Variants in ATP2C1 observed in about 807,000 individuals in gnomAD.
The protein encoded by ATP2C1 is ATPase secretory pathway Ca2+ transporting 1.
Under a neutral mutation model 120.5 loss-of-function variants are expected in ATP2C1, and 31 were observed. That is an observed-to-expected ratio of 0.26 (90% CI 0.19 to 0.35). The LOEUF is 0.35. ATP2C1 is among the 10% of genes least tolerant of loss of function. The probability of loss-of-function intolerance (pLI) is 1.00; values close to 1 mark genes in which losing one functional copy is unlikely to be tolerated. For missense variants in ATP2C1, 731 were observed against 1,107.5 expected (o/e 0.66, Z 4.83); for synonymous variants, 351 against 358.7 (o/e 0.98, Z 0.24).
intron 26 of ATP2C1, among the ~76,000 whole-genome samples, chr3:131,009,859 G>A (rs775478285): frequency 4.6e-5 from 7 of 152,102 alleles, no homozygotes; most frequent in African/African-American, 1.4e-4. Flanking sequence ...AAGACATTAC[G>A]AGATAAACAC....
At chr3:130,995,600 C>T (rs1043034311) in intron 22 of ATP2C1, among the ~76,000 whole-genome samples, 1 of 152,050 alleles carries the variant, frequency 6.6e-6, no homozygotes, top group Admixed American at 6.6e-5. Flanking sequence ...ATAAATGTTT[C>T]CATATTGATA....
In ATP2C1 at chr3:130,999,511, C is replaced by T. The variant is rs1176064574; in HGVS notation, c.2488-7C>T. On this transcript the variant is annotated splice_polypyrimidine_tract_variant and splice_region_variant and intron_variant, in intron 26 of 27. Coordinates refer to ENST00000510168, the MANE Select transcript of ATP2C1 (RefSeq NM_001378687.1). ...AGTAATAAATGAACTCTCTGCTCTGCCAACAGACCAAGTCTGTGTTTGAGA... is the reference window on the plus strand; with the variant it reads ...AGTAATAAATGAACTCTCTGCTCTGTCAACAGACCAAGTCTGTGTTTGAGA... 12 of 1,613,160 alleles carry T rather than the reference C, an allele frequency of 7.4e-6. No individual in the cohort carries two copies. The Admixed American group carries it at 8.3e-5, about 11-fold the overall frequency.
At chr3:130,853,444 C>T (rs568447850) in intron 1 of ATP2C1, among the ~76,000 whole-genome samples, 9 of 152,290 alleles carry the variant, frequency 5.9e-5, no homozygotes, top group East Asian at 5.8e-4. Flanking sequence ...CCTCACTTAG[C>T]GCTGCTAAGT....
intron 17 of ATP2C1, among the ~76,000 whole-genome samples, chr3:130,974,406 T>A (rs977082855): frequency 2.0e-5 from 3 of 152,156 alleles, no homozygotes; most frequent in African/African-American, 7.2e-5. Flanking sequence ...GGTAGAAGAA[T>A]AGGAAATTGT....
chr3:131,006,551 T>C (rs972100713), downstream of ATP2C1, among the ~76,000 whole-genome samples: 2 of 152,170 alleles, frequency 1.3e-5, no homozygotes, highest in Non-Finnish European at 2.9e-5. Context: ...TCTGTCCCAA[T>C]GTTGAGAATC....
intron 14 of ATP2C1, 29 bp downstream of exon 14, chr3:130,965,074 A>G (rs2060992203): frequency 6.7e-7 from 1 of 1,495,478 alleles, no homozygotes; most frequent in Admixed American, 1.7e-5. Flanking sequence ...AAAACAAACA[A>G]AAACAGTATC....
intron 17 of ATP2C1, among the ~76,000 whole-genome samples, chr3:130,972,510 A>C (rs1276723066): frequency 7.3e-5 from 11 of 149,716 alleles, no homozygotes; most frequent in Non-Finnish European, 1.3e-4. Flanking sequence ...TTTAGGGTAC[A>C]TGTGCACAAT....
exon 27 of ATP2C1, chr3:131,016,582 T>A: frequency 1.9e-6 from 1 of 526,754 alleles, no homozygotes; most frequent in Non-Finnish European, 3.4e-6. Flanking sequence ...TGAAATAAGA[T>A]CTTTTCCACT....
intron 26 of ATP2C1, among the ~76,000 whole-genome samples, chr3:131,013,361 T>C (rs1027096767): frequency 5.3e-5 from 8 of 152,324 alleles, no homozygotes; most frequent in Admixed American, 1.3e-4. Context: ...TTAAATACTT[T>C]CACATCTCAT....
chr3:130,929,216 G>C (rs1004231535), intron 2 of ATP2C1, among the ~76,000 whole-genome samples: 3 of 152,148 alleles, frequency 2.0e-5, no homozygotes, highest in Admixed American at 6.5e-5. Context: ...TTGTTTTAAA[G>C]TATTTAAACG....
downstream of ATP2C1, among the ~76,000 whole-genome samples, chr3:131,006,744 C>G (rs1454560334): frequency 6.6e-6 from 1 of 150,688 alleles, no homozygotes; most frequent in African/African-American, 2.5e-5. Flanking sequence ...CTCACTGCAG[C>G]CTGGACATCC....
At chr3:130,966,266 G>C (rs905087002) in intron 14 of ATP2C1, among the ~76,000 whole-genome samples, 1 of 152,068 alleles carries the variant, frequency 6.6e-6, no homozygotes, top group African/African-American at 2.4e-5. Context: ...TGCCCTTTCT[G>C]GATGATTCAG....
intron 8 of ATP2C1, among the ~76,000 whole-genome samples, chr3:130,953,158 T>G (rs2060439928): frequency 6.7e-6 from 1 of 149,100 alleles, no homozygotes; most frequent in Non-Finnish European, 1.5e-5. Flanking sequence ...CATAAAATTG[T>G]TTTTTTTTTC....
chr3:130,994,359 A>T (rs1332425943), intron 22 of ATP2C1, among the ~76,000 whole-genome samples: 1 of 152,198 alleles, frequency 6.6e-6, no homozygotes, highest in African/African-American at 2.4e-5. Context: ...GGGCACTAAT[A>T]TGATGGTATA....
chr3:130,895,359 G>GT (rs2069519673), intron 2 of ATP2C1, among the ~76,000 whole-genome samples: 1 of 152,176 alleles, frequency 6.6e-6, no homozygotes, highest in African/African-American at 2.4e-5. Flanking sequence ...GCTGACAGCG[G>GT]AACCTGTTTG....
chr3:130,998,603 A>G (rs2062740831), intron 26 of ATP2C1, among the ~76,000 whole-genome samples: 1 of 152,220 alleles, frequency 6.6e-6, no homozygotes, highest in Admixed American at 6.5e-5. Context: ...ACTAGAACAT[A>G]AAAGTATTAA....
At chr3:130,890,999 C>T (rs968304275), upstream of ATP2C1, among the ~76,000 whole-genome samples, 1 of 152,120 alleles carries the variant, frequency 6.6e-6, no homozygotes, top group African/African-American at 2.4e-5. Context: ...ATCTCTTGAG[C>T]CTAGGAGTTC....
At chr3:130,903,765 G>A (rs1249045026) in intron 2 of ATP2C1, among the ~76,000 whole-genome samples, 1 of 131,060 alleles carries the variant, frequency 7.6e-6, no homozygotes, top group Non-Finnish European at 1.6e-5. Flanking sequence ...TAAAATAATT[G>A]TTGCTCACTG....
At chr3:130,875,664 T>G (rs940588158) in intron 1 of ATP2C1, among the ~76,000 whole-genome samples, 1 of 152,202 alleles carries the variant, frequency 6.6e-6, no homozygotes, top group African/African-American at 2.4e-5. Flanking sequence ...AATCACATGA[T>G]AGTTCTATTT....
Sources: allele counts gnomAD v4.1 joint callset (sites outside exome capture counted in the v4.1 genomes callset), GRCh38; gene constraint gnomAD v4.1.1; transcripts MANE v1.5; gene names NCBI Gene and HGNC (gene_info 2026-07-23, HGNC 2026-07-21).